The following OR5AS1 variants were observed in gnomAD, a reference collection of about 807,000 sequenced individuals.
The protein encoded by OR5AS1 is olfactory receptor 5AS1.
For synonymous variants in OR5AS1, 196 were observed against 141.7 expected (o/e 1.38, Z -2.72); for missense variants, 492 against 378.2 (o/e 1.30, Z -2.50).
chr11:56,028,635 C>G (rs537547181), intron 1 of OR5AS1, among the ~76,000 whole-genome samples: 2 of 152,118 alleles, frequency 1.3e-5, no homozygotes, highest in Non-Finnish European at 2.9e-5. Flanking sequence ...TGAGATAAAT[C>G]CTGTAGGAAA....
intron 1 of OR5AS1, among the ~76,000 whole-genome samples, chr11:56,028,881 G>T (rs1448021616): frequency 6.6e-6 from 1 of 152,076 alleles, no homozygotes; most frequent in African/African-American, 2.4e-5. Context: ...GTGGAAATTT[G>T]CTAGGGTTGG....
Position 56,033,851 on chromosome 11 carries a change from T to G in OR5AS1, c.*2458T>G, listed in dbSNP as rs1028000608. ...ACTGGGAGACACCTTCCAGTAGGGG[T>G]TGACAGATACCTCATAGGAGAGAGC... On this transcript the variant is annotated 3_prime_UTR_variant, in exon 2 of 2. Transcript: ENST00000641320. The G allele has an allele frequency of 5.3e-5, 8 of 151,878 alleles. No individual in the cohort carries two copies. Among genetic ancestry groups the G allele is most frequent in the African/African-American group, 1.9e-4 (8 of 41,246 alleles). 9.4% of individuals were successfully genotyped at this position (151,878 alleles called of 1,614,324 possible).
In OR5AS1 at chr11:56,032,337, A is replaced by G. The variant is rs1487790928; in HGVS notation, c.*944A>G. ...GAGGTGAAAATTACACTGATCTTTTATTCTGTAAATTTACAATGCAAGGCA... is the reference window on the plus strand; with the variant it reads ...GAGGTGAAAATTACACTGATCTTTTGTTCTGTAAATTTACAATGCAAGGCA... On this transcript the variant is annotated 3_prime_UTR_variant, in exon 2 of 2. Transcript: ENST00000641320. The G allele has an allele frequency of 3.3e-5, 5 of 152,130 alleles. No individual in the cohort carries two copies. In the East Asian group the frequency reaches 9.6e-4, roughly 29 times the overall value. 9.4% of individuals were successfully genotyped at this position (152,130 alleles called of 1,614,324 possible).
chr11:56,037,626 G>T lies in OR5AS1; in HGVS notation c.*6233G>T, dbSNP rs570126054. On this transcript the variant is annotated 3_prime_UTR_variant, in exon 2 of 2. Transcript: ENST00000641320. ...AAATAAGAGAGGACACAAACAAATG[G>T]AAAAACATTCCATGCTCATGGATAT... 2 of 151,932 alleles carry T rather than the reference G, an allele frequency of 1.3e-5. No homozygotes were observed. Among genetic ancestry groups the T allele is most frequent in the African/African-American group, 4.8e-5 (2 of 41,378 alleles). The allele number at this position is 151,932 out of a possible 1,614,324, so 9.4% of individuals were successfully genotyped here.
Position 56,038,065 on chromosome 11 carries a change from A to G in OR5AS1, c.*6672A>G, listed in dbSNP as rs181081908. On this transcript the variant is annotated 3_prime_UTR_variant, in exon 2 of 2. Transcript: ENST00000641320. Reference sequence around the variant, plus strand: ...ATGGTGTTGGGAAAACTGGCTAGCCATATGCAGAAAGCAGAAACTGGACCC... The same window carrying G: ...ATGGTGTTGGGAAAACTGGCTAGCCGTATGCAGAAAGCAGAAACTGGACCC... 1 of 152,272 alleles carries G rather than the reference A, an allele frequency of 6.6e-6. No individual in the cohort carries two copies. Among genetic ancestry groups the G allele is most frequent in the East Asian group, 1.9e-4 (1 of 5,182 alleles). 9.4% of individuals were successfully genotyped at this position (152,272 alleles called of 1,614,324 possible).
Position 56,032,667 on chromosome 11 carries a change from G to T in OR5AS1, c.*1274G>T, listed in dbSNP as rs1381347076. On this transcript the variant is annotated 3_prime_UTR_variant, in exon 2 of 2. Coordinates refer to ENST00000641320, the MANE Select transcript of OR5AS1 (RefSeq NM_001001921.2). ...TAAAGTTATATATGTAAAATTACTG[G>T]TATATGTATATGATTTGAAAATTAA... 1.3e-5 allele frequency: 2 copies of T among 152,154 alleles called. No individual in the cohort carries two copies. The highest frequency in any genetic ancestry group is 1.3e-4 in the Admixed American group (2 of 15,278). 9.4% of individuals were successfully genotyped at this position (152,154 alleles called of 1,614,324 possible).
intron 1 of OR5AS1, among the ~76,000 whole-genome samples, 154 bp downstream of exon 1, chr11:56,027,866 AGTGGGCAGAAGAC>A (rs1303341544): frequency 4.6e-5 from 7 of 151,612 alleles, no homozygotes; most frequent in Non-Finnish European, 1.0e-4. Context: ...GTGGGCTAAG[AGTGGGCAGAAGAC>A]GGTGGTAGCA....
intron 1 of OR5AS1, among the ~76,000 whole-genome samples, chr11:56,030,030 A>C: frequency 6.6e-6 from 1 of 152,094 alleles, no homozygotes. Context: ...TTAGGGTTGC[A>C]AAAAGAGAGC....
chr11:56,029,537 C>A (rs965037525), intron 1 of OR5AS1, among the ~76,000 whole-genome samples: 1 of 125,420 alleles, frequency 8.0e-6, no homozygotes, highest in Non-Finnish European at 1.8e-5. Context: ...ATAGCACACA[C>A]ACACACACAC....
chr11:56,029,623 C>A (rs1313873802), intron 1 of OR5AS1, among the ~76,000 whole-genome samples: 1 of 151,568 alleles, frequency 6.6e-6, no homozygotes, highest in Non-Finnish European at 1.5e-5. Flanking sequence ...TGAGAATGAT[C>A]TGGATATTTC....
Position 56,032,043 on chromosome 11 carries a change from C to G in OR5AS1, c.*650C>G, listed in dbSNP as rs1197859601. 2 of 152,074 alleles carry G rather than the reference C, an allele frequency of 1.3e-5. No homozygotes were observed. Among genetic ancestry groups the G allele is most frequent in the African/African-American group, 4.8e-5 (2 of 41,366 alleles). 9.4% of individuals were successfully genotyped at this position (152,074 alleles called of 1,614,324 possible). On this transcript the variant is annotated 3_prime_UTR_variant, in exon 2 of 2. Transcript: ENST00000641320. The stretch of plus-strand genomic sequence containing the variant: ...AGAGATATTTTATAATACCAATAAT[C>G]TGTTAGGGATACTGATGGTGGTTTC...
Position 56,032,792 on chromosome 11 carries a change from T to C in OR5AS1, c.*1399T>C, listed in dbSNP as rs1444595143. The C allele has an allele frequency of 3.3e-5, 5 of 152,142 alleles. No homozygotes were observed. Among genetic ancestry groups the C allele is most frequent in the Non-Finnish European group, 5.9e-5 (4 of 68,032 alleles). The allele number at this position is 152,142 out of a possible 1,614,324, so 9.4% of individuals were successfully genotyped here. A position where few individuals can be genotyped will look rare whatever the true frequency, so the allele number is the denominator to read the frequency against. On this transcript the variant is annotated 3_prime_UTR_variant, in exon 2 of 2. Coordinates refer to ENST00000641320, the MANE Select transcript of OR5AS1 (RefSeq NM_001001921.2). ...CGCAGTAAAGTGTCACACAAATTTT[T>C]AGATTTCTCAGTGCATATCATAGTT...
chr11:56,030,691 C>A lies in OR5AS1; in HGVS notation c.273C>A (p.Ser91Arg). The A allele has an allele frequency of 6.3e-7, 1 of 1,596,146 alleles. No homozygotes were observed. The highest frequency in any genetic ancestry group is 1.1e-5 in the South Asian group (1 of 89,336). Residue 91 changes from serine (S) to arginine (R), a missense_variant, in exon 2 of 2, where the codon AGC (serine) becomes AGA (arginine). Transcript: ENST00000641320. ...MLANFLASRKSISPYGCALQM... is the reference protein window; with the variant it reads ...MLANFLASRKRISPYGCALQM... ...CAAACTTCTTGGCATCCAGGAAAAGCATCTCTCCTTATGGGTGTGCACTAC... is the reference window on the plus strand; with the variant it reads ...CAAACTTCTTGGCATCCAGGAAAAGAATCTCTCCTTATGGGTGTGCACTAC...
In OR5AS1 at chr11:56,031,280, A is replaced by T. The variant is rs1565026601; in HGVS notation, c.862A>T (p.Ile288Leu). ...TGTTGTATTTCCCATGTTTAATCCA[A>T]TAATTTATAGTTTCAGAAACAAGGA... The part of the protein sequence containing the change: ...YTVVFPMFNP[I>L]IYSFRNKDVK... The change falls in exon 2 of 2, where the codon ATA becomes TTA. Residue 288 changes from isoleucine to leucine, a missense_variant. By Grantham distance (5) the Ile-to-Leu change is conservative. Transcript: ENST00000641320. 26 of 1,612,852 alleles carry T rather than the reference A, an allele frequency of 1.6e-5. No homozygotes were observed. Among genetic ancestry groups the T allele is most frequent in the Non-Finnish European group, 2.1e-5 (25 of 1,179,482 alleles).
intron 1 of OR5AS1, among the ~76,000 whole-genome samples, chr11:56,029,477 A>G (rs1853326088): frequency 6.6e-6 from 1 of 151,944 alleles, no homozygotes; most frequent in African/African-American, 2.4e-5. Context: ...GAAAGCAACA[A>G]TGATAGGGCA....
rs1335614761 is a variant in OR5AS1 at position 56,031,096 on chromosome 11, G to A, written c.678G>A (p.Leu226=). ...ISYFCILITV[L]SIKSSGGRSK... is the part of the protein sequence containing the mutation. The stretch of plus-strand genomic sequence containing the variant: ...ACTTCTGCATCCTCATCACTGTGTT[G>A]AGCATCAAGTCCTCAGGTGGCAGAA... The change falls in exon 2 of 2, where the codon TTG becomes TTA. Residue 226 remains leucine, a synonymous_variant. Coordinates refer to ENST00000641320, the MANE Select transcript of OR5AS1 (RefSeq NM_001001921.2). 3 of 1,613,832 alleles carry A rather than the reference G, an allele frequency of 1.9e-6. No individual in the cohort carries two copies. Among genetic ancestry groups the A allele is most frequent in the Middle Eastern group, 1.6e-4 (1 of 6,084 alleles).
Position 56,030,725 on chromosome 11 carries a change from T to C in OR5AS1, c.307T>C (p.Phe103Leu), listed in dbSNP as rs1853339101. Residue 103 changes from phenylalanine to leucine, a missense_variant, in exon 2 of 2, where the codon TTC (phenylalanine) becomes CTC (leucine). Physicochemically the swap from Phe to Leu is conservative, Grantham distance 22. Transcript: ENST00000641320. ...TTATGGGTGTGCACTACAAATGTTT[T>C]TCTTCGCTTCTTTTGCTGATGCTGA... is the stretch of plus-strand genomic sequence containing the variant. ...SPYGCALQMFFFASFADAECL... is the reference protein window; with the variant it reads ...SPYGCALQMFLFASFADAECL... 6.2e-7 allele frequency: 1 copy of C among 1,612,000 alleles called. No individual in the cohort carries two copies. Among genetic ancestry groups the C allele is most frequent in the Non-Finnish European group, 8.5e-7 (1 of 1,178,586 alleles).
In OR5AS1 at chr11:56,032,418, A is replaced by AT. The variant is rs1242217094; in HGVS notation, c.*1031dup. On this transcript the variant is annotated 3_prime_UTR_variant, in exon 2 of 2. Coordinates refer to ENST00000641320, the MANE Select transcript of OR5AS1 (RefSeq NM_001001921.2). ...TCGATTTTGATAATTAAATTATCAGATTTTTTGTGGTTTATTCTGATCTTT... is the reference window on the plus strand; with the variant it reads ...TCGATTTTGATAATTAAATTATCAGATTTTTTTGTGGTTTATTCTGATCTTT... The AT allele has an allele frequency of 3.9e-5, 6 of 152,188 alleles. No individual in the cohort carries two copies. In the South Asian group the frequency reaches 6.2e-4, roughly 16 times the overall value. 9.4% of individuals were successfully genotyped at this position (152,188 alleles called of 1,614,324 possible). A position where few individuals can be genotyped will look rare whatever the true frequency, so the allele number is the denominator to read the frequency against.
intron 1 of OR5AS1, among the ~76,000 whole-genome samples, chr11:56,028,434 T>A (rs997972051): frequency 6.6e-6 from 1 of 152,116 alleles, no homozygotes; most frequent in Non-Finnish European, 1.5e-5. Context: ...ATGCCATTTG[T>A]AAAGAAAAGA....
Sources: allele counts gnomAD v4.1 joint callset (sites outside exome capture counted in the v4.1 genomes callset), GRCh38; gene constraint gnomAD v4.1.1; transcripts MANE v1.5; gene names NCBI Gene and HGNC (gene_info 2026-07-23, HGNC 2026-07-21).